Variants in CDYL2 observed in about 807,000 individuals in gnomAD.
CDYL2 encodes the protein chromodomain Y-like protein 2.
Under a neutral mutation model 49.4 loss-of-function variants are expected in CDYL2, and 23 were observed. The ratio of observed to expected loss-of-function variants is 0.47; its 90% CI spans 0.34 to 0.66. CDYL2 has a LOEUF of 0.66. Ranked by LOEUF, CDYL2 falls within the 30% of genes least tolerant of loss-of-function variation. The pLI is 0.01. For missense variants in CDYL2, 678 were observed against 656.4 expected (o/e 1.03, Z -0.36); for synonymous variants, 360 against 268.8 (o/e 1.34, Z -3.32).
At chr16:80,664,579 C>T (rs971681201) in intron 2 of CDYL2, among the ~76,000 whole-genome samples, 8 of 152,170 alleles carry the variant, frequency 5.3e-5, no homozygotes, top group Non-Finnish European at 1.2e-4. Flanking sequence ...AAAGCAAATG[C>T]CTCTTTAAGT....
chr16:80,619,378 C>T (rs4889167), intron 4 of CDYL2, among the ~76,000 whole-genome samples: 21,411 of 152,190 alleles, frequency 0.14, 1,953 homozygotes, highest in Admixed American at 0.31. Flanking sequence ...ATGAGCTGCT[C>T]GTGCATGGAG....
chr16:80,620,723 A>AC, intron 4 of CDYL2, 40 bp downstream of exon 4: 1 of 1,512,198 alleles, frequency 6.6e-7, no homozygotes, highest in Non-Finnish European at 8.9e-7. Context: ...TGGTAATCCT[A>AC]CGCAGGACCC....
At chr16:80,613,123 C>T (rs1906676753) in intron 4 of CDYL2, among the ~76,000 whole-genome samples, 1 of 152,080 alleles carries the variant, frequency 6.6e-6, no homozygotes, top group Admixed American at 6.5e-5. Context: ...AAAGCCATAG[C>T]TTACACAGTA....
At chr16:80,657,746 T>C (rs988150689) in intron 2 of CDYL2, among the ~76,000 whole-genome samples, 1 of 152,138 alleles carries the variant, frequency 6.6e-6, no homozygotes, top group Admixed American at 6.6e-5. Flanking sequence ...TGGCAGTATC[T>C]GACAACACTG....
At chr16:80,746,925 T>C (rs556130268) in intron 1 of CDYL2, among the ~76,000 whole-genome samples, 4 of 152,214 alleles carry the variant, frequency 2.6e-5, no homozygotes, top group Non-Finnish European at 4.4e-5. Flanking sequence ...TTAATAGAAC[T>C]GCAAATCAGC....
chr16:80,621,003 C>A (rs1420453176), intron 3 of CDYL2, 68 bp from the exon 4 acceptor site: 19 of 1,448,256 alleles, frequency 1.3e-5, no homozygotes, highest in Non-Finnish European at 1.7e-5. Flanking sequence ...TTTCAGACTG[C>A]AAGACAGCCA....
intron 1 of CDYL2, among the ~76,000 whole-genome samples, chr16:80,715,640 G>T (rs1228029444): frequency 6.6e-6 from 1 of 151,754 alleles, no homozygotes; most frequent in Admixed American, 6.6e-5. Flanking sequence ...ATGAAAATCT[G>T]ATTGTGTCCC....
chr16:80,746,332 G>T (rs967847629), intron 1 of CDYL2, among the ~76,000 whole-genome samples: 1 of 152,142 alleles, frequency 6.6e-6, no homozygotes, highest in African/African-American at 2.4e-5. Flanking sequence ...AATCCCAAGC[G>T]CTATGAATTC....
chr16:80,760,346 G>A (rs1423480574), intron 1 of CDYL2, among the ~76,000 whole-genome samples: 3 of 152,176 alleles, frequency 2.0e-5, no homozygotes, highest in African/African-American at 7.2e-5. Context: ...AGGGTAGTGG[G>A]GGGTTGGAGG....
chr16:80,798,963 A>G (rs868582390), intron 1 of CDYL2, among the ~76,000 whole-genome samples: 25 of 152,114 alleles, frequency 1.6e-4, no homozygotes, highest in Non-Finnish European at 1.0e-4. Context: ...TTTAAAACTC[A>G]TAACACAAAA....
At chr16:80,621,292 G>GA (rs1175759785) in intron 3 of CDYL2, among the ~76,000 whole-genome samples, 7 of 152,190 alleles carry the variant, frequency 4.6e-5, no homozygotes, top group South Asian at 2.1e-4. Flanking sequence ...ACAAGATGTG[G>GA]AAAAAATCCA....
At chr16:80,646,389 C>G (rs1908346917) in intron 2 of CDYL2, among the ~76,000 whole-genome samples, 1 of 152,008 alleles carries the variant, frequency 6.6e-6, no homozygotes, top group Non-Finnish European at 1.5e-5. Context: ...ACAGAATTCC[C>G]AGAAAACAAA....
At position 80,710,434 on chromosome 16, in the gene CDYL2, T is replaced by C. The variant is rs367976473; in HGVS notation, c.25-25305A>G. Among the ~76,000 whole-genome samples the C allele has an allele frequency of 1.4e-3, 215 of 152,250 alleles. 1 individual carries two copies. The highest frequency in any genetic ancestry group is 5.0e-3 in the African/African-American group (206 of 41,542). On this transcript the variant is annotated intron_variant, in intron 1 of 6. Transcript: ENST00000570137. ...ACAGAATTTACTCTAAGGACATAAT[T>C]GAATAAGAAAACAGAAAGATGATGT...
intron 1 of CDYL2, among the ~76,000 whole-genome samples, chr16:80,708,319 A>G (rs1339151589): frequency 2.0e-5 from 3 of 152,166 alleles, no homozygotes; most frequent in Non-Finnish European, 2.9e-5. Context: ...GTGACAGTGA[A>G]TAAGTCTCAG....
intron 2 of CDYL2, among the ~76,000 whole-genome samples, chr16:80,668,736 T>C (rs1909375854): frequency 6.6e-6 from 1 of 151,836 alleles, no homozygotes; most frequent in Admixed American, 6.6e-5. Flanking sequence ...CTGTCTCTAC[T>C]AAAAATACAA....
chr16:80,612,725 G>T lies in CDYL2; in HGVS notation c.1119C>A (p.Ala373=), dbSNP rs1451866192. The T allele has an allele frequency of 6.2e-7, 1 of 1,613,680 alleles. No individual in the cohort carries two copies. ...GCGTCTGGAACCAGGCCTTCTCACTGGCCCACACGATGTCACAGAGGGGCA... is the reference window on the plus strand; with the variant it reads ...GCGTCTGGAACCAGGCCTTCTCACTTGCCCACACGATGTCACAGAGGGGCA... ...SILPLCDIVW[A]SEKAWFQTPY... Residue 373 remains alanine (A), a synonymous_variant, in exon 5 of 7, where the codon GCC becomes GCA. Transcript: ENST00000570137. The surrounding 1 kb of genome is among the most constrained non-coding windows in gnomAD (Gnocchi z 5.0).
chr16:80,642,317 C>T (rs1307003298), intron 2 of CDYL2, among the ~76,000 whole-genome samples: 2 of 152,036 alleles, frequency 1.3e-5, no homozygotes, highest in Non-Finnish European at 2.9e-5. Flanking sequence ...GTGGCATGCC[C>T]CTGTAATCCC....
chr16:80,686,228 C>T (rs1426051278), intron 1 of CDYL2, among the ~76,000 whole-genome samples: 3 of 152,250 alleles, frequency 2.0e-5, no homozygotes, highest in East Asian at 1.9e-4. Flanking sequence ...AAAATACACT[C>T]GGAAAATGCC....
At chr16:80,630,961 T>C (rs9928159) in intron 3 of CDYL2, among the ~76,000 whole-genome samples, 8,492 of 152,064 alleles carry the variant, frequency 0.056, 728 homozygotes, top group African/African-American at 0.19. Context: ...GACTTCATCC[T>C]CCAAAACATA....
Sources: gnomAD v4.1 joint callset for allele counts (sites outside exome capture counted in the v4.1 genomes callset) on GRCh38, gnomAD v4.1.1 for gene constraint, Gnocchi (gnomAD v3.1) non-coding constraint, MANE v1.5 for transcripts, NCBI Gene and HGNC (gene_info 2026-07-23, HGNC 2026-07-21) for gene names.